The following CBLN2 variants were observed in gnomAD, a reference collection of about 807,000 sequenced individuals.
The protein encoded by CBLN2 is cerebellin-2.
Under a neutral mutation model 15.0 loss-of-function variants are expected in CBLN2, and 7 were observed. The ratio of observed to expected loss-of-function variants is 0.47; its 90% CI spans 0.27 to 0.88. The LOEUF (loss-of-function observed/expected upper bound fraction) is 0.88, where lower values mean the gene tolerates loss of function less well. Ranked by LOEUF, CBLN2 falls within the 40% of genes least tolerant of loss-of-function variation. CBLN2 has a pLI of 0.14. For synonymous variants in CBLN2, 149 were observed against 135.2 expected (o/e 1.10, Z -0.71); for missense variants, 242 against 304.5 (o/e 0.79, Z 1.53).
intron 1 of CBLN2, among the ~76,000 whole-genome samples, chr18:72,617,052 A>G (rs969722306): frequency 5.9e-5 from 9 of 152,306 alleles, no homozygotes; most frequent in Admixed American, 2.0e-4. Context: ...AAGAAAATTG[A>G]ACTTCAAATA....
chr18:72,615,747 C>A (rs1358364716), intron 1 of CBLN2, among the ~76,000 whole-genome samples: 1 of 152,076 alleles, frequency 6.6e-6, no homozygotes, highest in African/African-American at 2.4e-5. Flanking sequence ...ATACTTATTT[C>A]ATGACGTCAA....
chr18:72,551,117 T>G (rs2069189437), intron 1 of CBLN2, among the ~76,000 whole-genome samples: 1 of 152,082 alleles, frequency 6.6e-6, no homozygotes, highest in African/African-American at 2.4e-5. Context: ...ATCTTTACTT[T>G]TTGAGAGTCC....
At chr18:72,541,758 C>A (rs2069113613) in intron 3 of CBLN2, 46 bp downstream of exon 3, 1 of 1,475,804 alleles carries the variant, frequency 6.8e-7, no homozygotes. Context: ...CAGGTCCCCG[C>A]CCCTCTCCCC....
chr18:72,619,661 C>A (rs1376139038), intron 1 of CBLN2, among the ~76,000 whole-genome samples: 1 of 151,824 alleles, frequency 6.6e-6, no homozygotes, highest in Admixed American at 6.6e-5. Context: ...TGTTTTTTGC[C>A]CTTGATTATT....
At chr18:72,546,444 A>ATC (rs1309606873), upstream of CBLN2, among the ~76,000 whole-genome samples, 3 of 151,732 alleles carry the variant, frequency 2.0e-5, no homozygotes, top group South Asian at 2.1e-4. Context: ...TCTCTCTCAA[A>ATC]AAAAAAAAAA....
chr18:72,618,273 A>G (rs975556219), intron 1 of CBLN2: 20 of 360,166 alleles, frequency 5.6e-5, no homozygotes, highest in African/African-American at 3.5e-4. Context: ...TGTCATGTCT[A>G]AGTCAGAGTC....
At chr18:72,585,082 C>A (rs1327711826) in intron 1 of CBLN2, among the ~76,000 whole-genome samples, 1 of 152,142 alleles carries the variant, frequency 6.6e-6, no homozygotes, top group South Asian at 2.1e-4. Context: ...TGCAATGGTG[C>A]CCAGAAGCTT....
chr18:72,600,535 C>A (rs2069541164), intron 1 of CBLN2, among the ~76,000 whole-genome samples: 1 of 152,104 alleles, frequency 6.6e-6, no homozygotes. Flanking sequence ...GAGTCCTTGG[C>A]ATGGCTGGAG....
At chr18:72,626,136 G>T in intron 1 of CBLN2, among the ~76,000 whole-genome samples, 1 of 151,844 alleles carries the variant, frequency 6.6e-6, no homozygotes, top group East Asian at 1.9e-4. Flanking sequence ...GTTATCTCCC[G>T]TTCGGCAAAC....
intron 2 of CBLN2, among the ~76,000 whole-genome samples, chr18:72,542,597 G>T (rs1033663618): frequency 6.6e-6 from 1 of 152,100 alleles, no homozygotes; most frequent in Non-Finnish European, 1.5e-5. Flanking sequence ...TCGCTAAGAC[G>T]GGCCCCGAGA....
chr18:72,615,201 T>TAAATATATATTTATATA, intron 1 of CBLN2, among the ~76,000 whole-genome samples: 1 of 136,418 alleles, frequency 7.3e-6, no homozygotes, highest in African/African-American at 2.7e-5. Context: ...TAAATATATA[T>TAAATATATATTTATATA]TTATATATGT....
chr18:72,596,829 T>C (rs1056170877), intron 1 of CBLN2, among the ~76,000 whole-genome samples: 1 of 152,234 alleles, frequency 6.6e-6, no homozygotes, highest in Non-Finnish European at 1.5e-5. Flanking sequence ...TCTTTTCTCT[T>C]GCTGTCTTTA....
intron 1 of CBLN2, among the ~76,000 whole-genome samples, chr18:72,549,902 T>A (rs1264656768): frequency 1.2e-4 from 18 of 150,120 alleles, no homozygotes; most frequent in Non-Finnish European, 8.8e-5. Context: ...TTTTACGTGT[T>A]TTTGTGAAAA....
At chr18:72,636,560 A>C (rs1268536656) in intron 1 of CBLN2, among the ~76,000 whole-genome samples, 3 of 152,200 alleles carry the variant, frequency 2.0e-5, no homozygotes, top group Non-Finnish European at 4.4e-5. Flanking sequence ...GTGGATATGC[A>C]CATGGCAATG....
chr18:72,585,857 A>T (rs1024535696), intron 1 of CBLN2, among the ~76,000 whole-genome samples: 11 of 152,202 alleles, frequency 7.2e-5, no homozygotes, highest in Admixed American at 7.2e-4. Flanking sequence ...GACATCAGGG[A>T]GCTGGCATGT....
chr18:72,566,004 A>G (rs766043956), intron 1 of CBLN2, among the ~76,000 whole-genome samples: 2 of 152,208 alleles, frequency 1.3e-5, no homozygotes, highest in African/African-American at 2.4e-5. Context: ...TAAATGAGCA[A>G]AAGAGCTAAG....
rs1407767965 is a variant in CBLN2 at position 72,542,157 on chromosome 18, G to A, written c.4C>T (p.Gln2Ter). Residue 2 changes from glutamine (Q) to a stop codon, truncating the protein, a stop_gained, in exon 3 of 5, where the codon CAG becomes TAG. Transcript: ENST00000269503. LOFTEE classifies it high-confidence loss of function. M[Q>*]APGRGPLGLR... ...CCGAGTGGCCCCCGGCCGGGCGCCT[G>A]CATCGGGACTGGTGGGAGGCGGCGC... 33 of 1,299,922 alleles carry A rather than the reference G, an allele frequency of 2.5e-5. No individual in the cohort carries two copies. Among genetic ancestry groups the A allele is most frequent in the Non-Finnish European group, 3.1e-5 (32 of 1,030,856 alleles). 80.5% of individuals were successfully genotyped at this position (1,299,922 alleles called of 1,614,324 possible). A position where few individuals can be genotyped will look rare whatever the true frequency, so the allele number is the denominator to read the frequency against.
chr18:72,623,085 G>A (rs1472277659), intron 1 of CBLN2, among the ~76,000 whole-genome samples: 1 of 152,124 alleles, frequency 6.6e-6, no homozygotes, highest in Non-Finnish European at 1.5e-5. Flanking sequence ...ACAGGAGCAG[G>A]AGGAAGAGAG....
At chr18:72,552,707 T>C (rs1404939455) in intron 1 of CBLN2, 4 of 152,196 alleles carry the variant, frequency 2.6e-5, no homozygotes, top group Non-Finnish European at 1.5e-5. Context: ...TTAAATAATA[T>C]ATTTCCTTTT....
Sources: allele counts gnomAD v4.1 joint callset (sites outside exome capture counted in the v4.1 genomes callset), GRCh38; gene constraint gnomAD v4.1.1; transcripts MANE v1.5; gene names NCBI Gene and HGNC (gene_info 2026-07-23, HGNC 2026-07-21).